Variants in RAP1A observed in about 807,000 individuals in gnomAD.
The protein encoded by RAP1A is RAP1A, member of RAS oncogene family, also known as ras-related protein Rap-1A.
A neutral mutation model predicts 26.4 loss-of-function variants in RAP1A; 6 were observed. The observed-to-expected ratio is 0.23, with a 90% CI of 0.12 to 0.45. The LOEUF is 0.45. Among genes scored for constraint, RAP1A ranks in the 20% least tolerant of loss-of-function variants. The probability of loss-of-function intolerance (pLI) is 0.99; values close to 1 mark genes in which losing one functional copy is unlikely to be tolerated. For missense variants in RAP1A, 121 were observed against 217.2 expected, an observed-to-expected ratio of 0.56 and a Z score of 2.78; for synonymous variants, 73 against 79.4, an observed-to-expected ratio of 0.92 and a Z score of 0.43.
intron 1 of RAP1A, among the ~76,000 whole-genome samples, chr1:111,609,792 TA>T (rs1436926453): frequency 7.9e-5 from 12 of 152,052 alleles, no homozygotes; most frequent in Non-Finnish European, 1.5e-5. Context: ...CGCACCACCA[TA>T]CCCGGCTAAT....
chr1:111,673,334 TC>T (rs1661030504), intron 1 of RAP1A, among the ~76,000 whole-genome samples: 1 of 152,222 alleles, frequency 6.6e-6, no homozygotes, highest in South Asian at 2.1e-4. Flanking sequence ...AAAAAATTTT[TC>T]TCCAAAGTTT....
At chr1:111,652,643 G>A (rs561959332) in intron 1 of RAP1A, among the ~76,000 whole-genome samples, 6 of 152,076 alleles carry the variant, frequency 3.9e-5, no homozygotes, top group Admixed American at 6.5e-5. Flanking sequence ...TTAGGGAAAC[G>A]CAAATCAAAA....
chr1:111,586,455 C>T (rs1347258543), intron 1 of RAP1A, among the ~76,000 whole-genome samples: 1 of 152,258 alleles, frequency 6.6e-6, no homozygotes, highest in Non-Finnish European at 1.5e-5. Context: ...TGGTGGCATG[C>T]ACCTGTAATC....
At chr1:111,559,083 A>T (rs531350403) in intron 1 of RAP1A, among the ~76,000 whole-genome samples, 2 of 152,184 alleles carry the variant, frequency 1.3e-5, no homozygotes, top group African/African-American at 4.8e-5. Context: ...TTTAAAAAAC[A>T]TGTATTTAAA....
intron 1 of RAP1A, among the ~76,000 whole-genome samples, chr1:111,559,100 T>C (rs1041962267): frequency 6.6e-6 from 1 of 152,160 alleles, no homozygotes; most frequent in Non-Finnish European, 1.5e-5. Context: ...TAAACTTCTT[T>C]AGAATTTGAA....
At chr1:111,663,823 G>A (rs1246521581) in intron 1 of RAP1A, among the ~76,000 whole-genome samples, 1 of 152,016 alleles carries the variant, frequency 6.6e-6, no homozygotes, top group Non-Finnish European at 1.5e-5. Context: ...ATTTTGAAGG[G>A]AAGATAATGT....
At chr1:111,650,094 T>C (rs910140372) in intron 1 of RAP1A, among the ~76,000 whole-genome samples, 1 of 12,998 alleles carries the variant, frequency 7.7e-5, no homozygotes, top group Non-Finnish European at 1.6e-4. Flanking sequence ...GGTAGAGTGC[T>C]TTTTTTTTTT....
At chr1:111,621,962 C>T (rs1659222702) in intron 1 of RAP1A, among the ~76,000 whole-genome samples, 1 of 152,092 alleles carries the variant, frequency 6.6e-6, no homozygotes, top group Non-Finnish European at 1.5e-5. Context: ...TTCCTGTAGT[C>T]CTTCTGAAAA....
chr1:111,650,294 A>G (rs1460331058), intron 1 of RAP1A: 2 of 152,008 alleles, frequency 1.3e-5, no homozygotes, highest in Non-Finnish European at 2.9e-5. Context: ...TCATTCTCCT[A>G]TATCAAAGAG....
rs911467876 is a variant in RAP1A, at chr1:111,619,806, C to T, written c.-156C>T. The stretch of plus-strand genomic sequence containing the variant: ...GAGGCGCCGCCGCCGCTCCCGAGGC[C>T]CCTGCCGCCGCCGCTCCCGCTGCTG... On this transcript the variant is annotated 5_prime_UTR_variant, in exon 1 of 8. Transcript: ENST00000369709. 4.0e-5 allele frequency: 16 copies of T among 398,856 alleles called. 1 individual carries two copies. Among genetic ancestry groups the T allele is most frequent in the East Asian group, 1.4e-4 (4 of 28,098 alleles). 24.7% of individuals were successfully genotyped at this position (398,856 alleles called of 1,614,324 possible). A position where few individuals can be genotyped will look rare whatever the true frequency, so the allele number is the denominator to read the frequency against.
intron 1 of RAP1A, among the ~76,000 whole-genome samples, chr1:111,572,366 T>C (rs1658066851): frequency 6.6e-6 from 1 of 152,254 alleles, no homozygotes; most frequent in Non-Finnish European, 1.5e-5. Context: ...TAAGGAAAGA[T>C]GCTTGGAGGT....
chr1:111,679,605 G>A lies in RAP1A; in HGVS notation c.-27-11729G>A, dbSNP rs555380283. On this transcript the variant is annotated intron_variant, in intron 1 of 7. Coordinates refer to ENST00000369709, the MANE Select transcript of RAP1A (RefSeq NM_002884.4). Reference sequence around the variant, plus strand: ...AAGGGGGCTGAAGCCAGGGAGCCAAGTGGTTTTGCTCAGCAGGTCCCAACC... The same window carrying A: ...AAGGGGGCTGAAGCCAGGGAGCCAAATGGTTTTGCTCAGCAGGTCCCAACC... Among the ~76,000 whole-genome samples the A allele has an allele frequency of 2.0e-5, 3 of 152,268 alleles. No individual in the cohort carries two copies. In the South Asian group the frequency reaches 6.2e-4, roughly 32 times the overall value.
intron 1 of RAP1A, among the ~76,000 whole-genome samples, chr1:111,677,786 C>T (rs527987676): frequency 9.3e-4 from 142 of 152,218 alleles, no homozygotes; most frequent in Non-Finnish European, 1.8e-3. Context: ...TCTGCCGTAT[C>T]GTATTGGTCA....
chr1:111,658,164 T>G (rs1449227051), intron 1 of RAP1A, among the ~76,000 whole-genome samples: 1 of 152,198 alleles, frequency 6.6e-6, no homozygotes, highest in Non-Finnish European at 1.5e-5. Flanking sequence ...TTAGGCAATT[T>G]GTTAAATTAA....
intron 1 of RAP1A, among the ~76,000 whole-genome samples, chr1:111,655,819 G>A (rs939213319): frequency 6.6e-6 from 1 of 151,766 alleles, no homozygotes; most frequent in Admixed American, 6.6e-5. Flanking sequence ...GACCACAGGC[G>A]CCCACCACCA....
chr1:111,665,465 A>G (rs1404362852), intron 1 of RAP1A, among the ~76,000 whole-genome samples: 1 of 152,184 alleles, frequency 6.6e-6, no homozygotes, highest in Non-Finnish European at 1.5e-5. Flanking sequence ...TTTAAGGAAA[A>G]TAATGTTTTG....
chr1:111,626,290 A>G (rs2101096508), intron 1 of RAP1A, among the ~76,000 whole-genome samples: 1 of 152,282 alleles, frequency 6.6e-6, no homozygotes, highest in African/African-American at 2.4e-5. Flanking sequence ...AGAGTTAAAT[A>G]AGAATTGTTT....
intron 1 of RAP1A, among the ~76,000 whole-genome samples, chr1:111,569,420 G>A (rs1657992002): frequency 1.3e-5 from 2 of 151,648 alleles, no homozygotes; most frequent in South Asian, 2.1e-4. Context: ...AGTTACACTT[G>A]GATTTCCGAC....
At chr1:111,666,179 T>C (rs1264832040) in intron 1 of RAP1A, among the ~76,000 whole-genome samples, 3 of 152,214 alleles carry the variant, frequency 2.0e-5, no homozygotes, top group Non-Finnish European at 4.4e-5. Context: ...AAGTGTTATT[T>C]GCCTCATGAC....
Sources: allele counts gnomAD v4.1 joint callset (sites outside exome capture counted in the v4.1 genomes callset), GRCh38; gene constraint gnomAD v4.1.1; transcripts MANE v1.5; gene names NCBI Gene and HGNC (gene_info 2026-07-23, HGNC 2026-07-21).